The following PPP1R12A variants were observed in gnomAD, a reference collection of about 807,000 sequenced individuals.
PPP1R12A encodes the protein myosin binding subunit.
In PPP1R12A, 19 loss-of-function variants were observed where a neutral mutation model predicts 139.6. The ratio of observed to expected loss-of-function variants is 0.14; its 90% confidence interval spans 0.09 to 0.20. PPP1R12A has a LOEUF of 0.20. Among genes scored for constraint, PPP1R12A ranks in the 10% least tolerant of loss-of-function variants. PPP1R12A has a pLI of 1.00. For missense variants in PPP1R12A, 925 were observed against 1,211.5 expected (o/e 0.76, Z 3.51); for synonymous variants, 427 against 420.6 (o/e 1.02, Z -0.19).
intron 1 of PPP1R12A, among the ~76,000 whole-genome samples, chr12:79,904,217 A>G (rs1344205893): frequency 6.7e-6 from 1 of 148,466 alleles, no homozygotes; most frequent in Non-Finnish European, 1.5e-5. Context: ...TCTGTCTCCA[A>G]AAAAAAAAAG....
intron 2 of PPP1R12A, among the ~76,000 whole-genome samples, chr12:79,861,532 G>A (rs1259038514): frequency 6.6e-6 from 1 of 152,156 alleles, no homozygotes; most frequent in African/African-American, 2.4e-5. Flanking sequence ...GAAGCGCAAG[G>A]GGTCATGGGA....
chr12:79,784,587 G>T (rs370551932), intron 22 of PPP1R12A, among the ~76,000 whole-genome samples: 6 of 152,330 alleles, frequency 3.9e-5, no homozygotes, highest in African/African-American at 1.4e-4. Flanking sequence ...CGGAGACACA[G>T]ATGAGCTGAG....
intron 3 of PPP1R12A, among the ~76,000 whole-genome samples, chr12:79,832,907 C>T (rs1877602290): frequency 6.6e-6 from 1 of 152,090 alleles, no homozygotes; most frequent in Non-Finnish European, 1.5e-5. Flanking sequence ...TTACTGAATG[C>T]TTCAACTTGG....
intron 20 of PPP1R12A, chr12:79,789,714 A>C (rs772628588): frequency 2.3e-6 from 1 of 443,794 alleles, no homozygotes; most frequent in Non-Finnish European, 4.5e-6. Flanking sequence ...AATGGAATGG[A>C]GATCAAAATC....
chr12:79,854,029 G>A (rs1313789529), intron 2 of PPP1R12A, among the ~76,000 whole-genome samples: 1 of 152,162 alleles, frequency 6.6e-6, no homozygotes, highest in Non-Finnish European at 1.5e-5. Flanking sequence ...AATCGTATCT[G>A]TTGACCTTAA....
intron 2 of PPP1R12A, among the ~76,000 whole-genome samples, chr12:79,860,253 T>A (rs1881168043): frequency 6.6e-6 from 1 of 152,242 alleles, no homozygotes; most frequent in African/African-American, 2.4e-5. Context: ...TCCATTTTCT[T>A]ATTCATATAC....
intron 1 of PPP1R12A, among the ~76,000 whole-genome samples, chr12:79,901,247 T>A (rs1424035905): frequency 6.6e-6 from 1 of 152,152 alleles, no homozygotes; most frequent in Non-Finnish European, 1.5e-5. Flanking sequence ...TTAGTAGTAA[T>A]CACACTCAAA....
chr12:79,776,070 C>A, intron 24 of PPP1R12A, 55 bp from the exon 25 acceptor site: 1 of 1,061,054 alleles, frequency 9.4e-7, no homozygotes, highest in Non-Finnish European at 1.4e-6. Context: ...AAAGATAAAA[C>A]ATTATTCTTA....
chr12:79,885,872 T>G (rs1440583641), intron 1 of PPP1R12A, among the ~76,000 whole-genome samples: 2 of 152,166 alleles, frequency 1.3e-5, no homozygotes, highest in Admixed American at 1.3e-4. Flanking sequence ...TTTGTTTGTT[T>G]TTTGTTAGAG....
At chr12:79,922,687 G>A (rs957101048) in intron 1 of PPP1R12A, among the ~76,000 whole-genome samples, 2 of 152,018 alleles carry the variant, frequency 1.3e-5, no homozygotes, top group Non-Finnish European at 2.9e-5. Context: ...GCCTGTCGGG[G>A]GCTCAGGGGC....
chr12:79,793,056 C>T (rs1164505457), intron 19 of PPP1R12A, among the ~76,000 whole-genome samples: 2 of 152,110 alleles, frequency 1.3e-5, no homozygotes, highest in Non-Finnish European at 2.9e-5. Context: ...AATGTAATAG[C>T]TCTATTAAGG....
At chr12:79,806,070 T>TG in intron 13 of PPP1R12A, 96 bp downstream of exon 13, 1 of 1,408,172 alleles carries the variant, frequency 7.1e-7, no homozygotes, top group Non-Finnish European at 9.6e-7. Flanking sequence ...ACAAGATAAA[T>TG]GAAAAAATCC....
intron 15 of PPP1R12A, 117 bp downstream of exon 15, chr12:79,798,377 T>A (rs1324366771): frequency 4.8e-6 from 3 of 618,696 alleles, no homozygotes; most frequent in East Asian, 5.7e-5. Context: ...TATACTGACA[T>A]CAATATTTTC....
At chr12:79,889,874 G>A (rs1176743590) in intron 1 of PPP1R12A, among the ~76,000 whole-genome samples, 5 of 152,082 alleles carry the variant, frequency 3.3e-5, no homozygotes, top group African/African-American at 7.2e-5. Context: ...ACTCATATAC[G>A]TATCCTCATA....
At chr12:79,822,605 T>G (rs1162424696) in intron 5 of PPP1R12A, among the ~76,000 whole-genome samples, 1 of 152,186 alleles carries the variant, frequency 6.6e-6, no homozygotes, top group African/African-American at 2.4e-5. Flanking sequence ...TAATCTACTT[T>G]CTGTCTCTAT....
chr12:79,777,819 A>G (rs1453347201), intron 24 of PPP1R12A, among the ~76,000 whole-genome samples: 2 of 152,186 alleles, frequency 1.3e-5, no homozygotes, highest in Non-Finnish European at 2.9e-5. Context: ...CAAACTAAGT[A>G]ATACATAAGC....
intron 11 of PPP1R12A, 120 bp downstream of exon 11, chr12:79,808,363 A>AT: frequency 1.5e-6 from 1 of 674,850 alleles, no homozygotes; most frequent in South Asian, 2.2e-5. Context: ...CTTCAGGAAT[A>AT]TCCTCCATCT....
At chr12:79,881,079 C>T (rs1209233168) in intron 1 of PPP1R12A, among the ~76,000 whole-genome samples, 1 of 152,034 alleles carries the variant, frequency 6.6e-6, no homozygotes, top group African/African-American at 2.4e-5. Flanking sequence ...CCGGCAGTTC[C>T]CCATCTCTCT....
At position 79,793,126 on chromosome 12, in the gene PPP1R12A, G is replaced by C. The variant is rs551468817; in HGVS notation, c.2649+737C>G. 1.3e-5 allele frequency among the ~76,000 whole-genome samples: 2 copies of C among 152,268 alleles called. 1 individual carries two copies. Among genetic ancestry groups the C allele is most frequent in the African/African-American group, 4.8e-5 (2 of 41,570 alleles). On this transcript the variant is annotated intron_variant, in intron 19 of 24. Transcript: ENST00000450142. ...ATGACCAGAATGCTATTTCATGCTA[G>C]ACAGTGCCAGGTTTAGACTCGTGTT... is the stretch of plus-strand genomic sequence containing the variant.
Sources: gnomAD v4.1 joint callset for allele counts (sites outside exome capture counted in the v4.1 genomes callset) on GRCh38, gnomAD v4.1.1 for gene constraint, MANE v1.5 for transcripts, NCBI Gene and HGNC (gene_info 2026-07-23, HGNC 2026-07-21) for gene names.